Variants in ASH1L observed in about 807,000 individuals in gnomAD.
The protein encoded by ASH1L is ASH1 like histone lysine methyltransferase.
Under a neutral mutation model 269.0 loss-of-function variants are expected in ASH1L, and 23 were observed. That is an observed-to-expected ratio of 0.09 (90% CI 0.06 to 0.12). The LOEUF (loss-of-function observed/expected upper bound fraction) is 0.12, where lower values mean the gene tolerates loss of function less well. Ranked by LOEUF, ASH1L falls within the 10% of genes least tolerant of loss-of-function variation. The probability of loss-of-function intolerance (pLI) is 1.00; values close to 1 mark genes in which losing one functional copy is unlikely to be tolerated. For synonymous variants in ASH1L, 1,187 were observed against 1,253.5 expected (o/e 0.95, Z 1.12); for missense variants, 2,912 against 3,567.8 (o/e 0.82, Z 4.68).
intron 2 of ASH1L, 74 bp from the exon 3 acceptor site, chr1:155,482,523 C>A (rs1400631641): frequency 7.0e-7 from 1 of 1,424,526 alleles, no homozygotes; most frequent in African/African-American, 1.4e-5. Context: ...AACAATCCAA[C>A]AAACTAATGG....
intron 5 of ASH1L, chr1:155,433,921 T>C: frequency 6.3e-7 from 1 of 1,590,142 alleles, no homozygotes; most frequent in Non-Finnish European, 8.6e-7. Flanking sequence ...ACCTGGAGAA[T>C]TTGTTCCTGC....
chr1:155,547,247 A>C (rs1670894150), intron 1 of ASH1L, among the ~76,000 whole-genome samples: 1 of 151,456 alleles, frequency 6.6e-6, no homozygotes, highest in African/African-American at 2.4e-5. Context: ...ATTCTTAATG[A>C]GGGCCATGAC....
chr1:155,402,867 T>C, intron 6 of ASH1L, among the ~76,000 whole-genome samples: 1 of 151,166 alleles, frequency 6.6e-6, no homozygotes, highest in Admixed American at 6.6e-5. Context: ...TTATACTTTT[T>C]TTTTTTTTTT....
At chr1:155,435,413 T>C (rs1662009373) in intron 5 of ASH1L, among the ~76,000 whole-genome samples, 1 of 152,158 alleles carries the variant, frequency 6.6e-6, no homozygotes, top group Non-Finnish European at 1.5e-5. Flanking sequence ...GATGACAAGC[T>C]CTCAGCATTA....
At chr1:155,541,336 T>C (rs1221106978) in intron 1 of ASH1L, among the ~76,000 whole-genome samples, 1 of 151,966 alleles carries the variant, frequency 6.6e-6, no homozygotes, top group Non-Finnish European at 1.5e-5. Context: ...TCTTTAAATA[T>C]TATATAAATT....
At chr1:155,413,245 A>G (rs1398063671) in intron 6 of ASH1L, among the ~76,000 whole-genome samples, 1 of 152,090 alleles carries the variant, frequency 6.6e-6, no homozygotes. Flanking sequence ...TCTTATGGCT[A>G]AAGTGTGGCT....
intron 5 of ASH1L, among the ~76,000 whole-genome samples, chr1:155,432,895 C>T (rs559624648): frequency 5.9e-5 from 9 of 152,232 alleles, no homozygotes; most frequent in African/African-American, 1.9e-4. Flanking sequence ...AACACCACCA[C>T]GCCCAGCTAA....
At chr1:155,432,401 GA>G (rs1479673965) in intron 5 of ASH1L, among the ~76,000 whole-genome samples, 1 of 152,056 alleles carries the variant, frequency 6.6e-6, no homozygotes, top group African/African-American at 2.4e-5. Flanking sequence ...ATGAAGGTAG[GA>G]AAAGTTTCTA....
chr1:155,363,471 T>C (rs932924751), intron 12 of ASH1L, among the ~76,000 whole-genome samples: 2 of 151,788 alleles, frequency 1.3e-5, no homozygotes, highest in African/African-American at 4.8e-5. Context: ...CTCAAACTCC[T>C]GAGCTCAGAT....
At chr1:155,557,239 T>C (rs746200488) in intron 1 of ASH1L, among the ~76,000 whole-genome samples, 1 of 152,102 alleles carries the variant, frequency 6.6e-6, no homozygotes, top group Non-Finnish European at 1.5e-5. Context: ...TAAATTTCTG[T>C]CATCACTAGA....
intron 13 of ASH1L, among the ~76,000 whole-genome samples, chr1:155,358,312 A>C (rs1303539911): frequency 6.6e-6 from 1 of 152,166 alleles, no homozygotes; most frequent in Non-Finnish European, 1.5e-5. Context: ...CTCTTTCTTC[A>C]AAGTAATTGG....
intron 6 of ASH1L, among the ~76,000 whole-genome samples, chr1:155,398,164 A>G (rs1346492508): frequency 1.3e-5 from 2 of 152,226 alleles, no homozygotes; most frequent in Non-Finnish European, 2.9e-5. Flanking sequence ...AACACAGCAC[A>G]GCTCACTCAA....
At chr1:155,401,870 C>T (rs1658886610) in intron 6 of ASH1L, among the ~76,000 whole-genome samples, 1 of 151,994 alleles carries the variant, frequency 6.6e-6, no homozygotes, top group African/African-American at 2.4e-5. Flanking sequence ...AGGTGGATCA[C>T]CTGAGGTCAG....
In ASH1L at chr1:155,438,410, C is replaced by T. The variant is rs965785194; in HGVS notation, c.5745G>A (p.Lys1915=). Residue 1915 remains lysine (K), a synonymous_variant, in exon 5 of 28, where the codon AAG becomes AAA. Coordinates refer to ENST00000392403, the MANE Select transcript of ASH1L (RefSeq NM_018489.3). ...NLNPEHKKGL[K]RKGWLLEEQT... ...GTTCTTCCAATAGCCAACCTTTTCT[C>T]TTCAACCCCTTTTTATGTTCTGGGT... The T allele has an allele frequency of 1.2e-6, 2 of 1,612,446 alleles. No homozygotes were observed. The highest frequency in any genetic ancestry group is 3.4e-5 in the Admixed American group (2 of 59,608).
chr1:155,467,806 A>G (rs146370908), intron 3 of ASH1L, among the ~76,000 whole-genome samples: 121 of 152,260 alleles, frequency 7.9e-4, no homozygotes, highest in African/African-American at 2.8e-3. Flanking sequence ...ATCAATTATC[A>G]GTTTGAGATA....
intron 10 of ASH1L, among the ~76,000 whole-genome samples, chr1:155,373,784 C>G (rs565884329): frequency 2.6e-3 from 398 of 152,220 alleles, no homozygotes; most frequent in South Asian, 0.015. Flanking sequence ...TTTCTCACCT[C>G]AGCCTCCAGA....
intron 21 of ASH1L, chr1:155,344,528 C>A: frequency 9.0e-6 from 3 of 333,788 alleles, no homozygotes; most frequent in Non-Finnish European, 1.7e-5. Flanking sequence ...AATCTAGGGG[C>A]CATATGAAAA....
intron 3 of ASH1L, among the ~76,000 whole-genome samples, chr1:155,474,451 A>G (rs1665371459): frequency 6.6e-6 from 1 of 152,124 alleles, no homozygotes; most frequent in Admixed American, 6.5e-5. Flanking sequence ...TAATCCCAGC[A>G]CTTTGGGAGG....
intron 6 of ASH1L, among the ~76,000 whole-genome samples, chr1:155,398,534 T>C (rs942485910): frequency 6.6e-6 from 1 of 152,182 alleles, no homozygotes; most frequent in African/African-American, 2.4e-5. Context: ...CTTTATAGTA[T>C]AGAGTACTTA....
Sources: gnomAD v4.1 joint callset for allele counts (sites outside exome capture counted in the v4.1 genomes callset) on GRCh38, gnomAD v4.1.1 for gene constraint, MANE v1.5 for transcripts, NCBI Gene and HGNC (gene_info 2026-07-23, HGNC 2026-07-21) for gene names.